The following PTPRG variants were observed in gnomAD, a reference collection of about 807,000 sequenced individuals.
PTPRG encodes the protein protein tyrosine phosphatase receptor type G, also known as receptor-type tyrosine-protein phosphatase gamma.
PTPRG carries 102 observed loss-of-function variants against 165.3 expected under a neutral mutation model. The observed-to-expected ratio is 0.62, with a 90% confidence interval of 0.53 to 0.73. PTPRG has a LOEUF of 0.73. Ranked by LOEUF, PTPRG falls within the 30% of genes least tolerant of loss-of-function variation. The pLI is 0.00. For synonymous variants in PTPRG, 675 were observed against 669.5 expected (o/e 1.01, Z -0.13); for missense variants, 1,866 against 1,861.4 (o/e 1.00, Z -0.05).
chr3:62,282,966 TCAA>T (rs1243932074), intron 28 of PTPRG, 97 bp downstream of exon 28: 1 of 1,104,624 alleles, frequency 9.1e-7, no homozygotes, highest in African/African-American at 1.6e-5. Context: ...TTAAAACCTA[TCAA>T]CAACCTCAGC....
chr3:61,586,171 C>T (rs1355510990), intron 1 of PTPRG, among the ~76,000 whole-genome samples: 2 of 151,770 alleles, frequency 1.3e-5, no homozygotes, highest in African/African-American at 4.8e-5. Flanking sequence ...TGATAGATTC[C>T]TCTGATTGAG....
chr3:61,763,437 G>T (rs545178332), intron 2 of PTPRG, among the ~76,000 whole-genome samples: 1 of 151,554 alleles, frequency 6.6e-6, no homozygotes, highest in East Asian at 2.0e-4. Context: ...GGGTTTCACT[G>T]TCTGCCACTA....
At chr3:61,590,350 C>T (rs192398447) in intron 1 of PTPRG, among the ~76,000 whole-genome samples, 14 of 152,114 alleles carry the variant, frequency 9.2e-5, no homozygotes, top group African/African-American at 2.9e-4. Context: ...GGCCAAACCC[C>T]GTCTCTATTA....
At chr3:61,722,198 A>T (rs1351583491) in intron 1 of PTPRG, among the ~76,000 whole-genome samples, 1 of 150,204 alleles carries the variant, frequency 6.7e-6, no homozygotes, top group Non-Finnish European at 1.5e-5. Context: ...AAGGTGGAAG[A>T]GCAAAGAGAG....
chr3:62,156,998 G>A, intron 6 of PTPRG, 69 bp from the exon 7 acceptor site: 1 of 1,404,266 alleles, frequency 7.1e-7, no homozygotes, highest in Non-Finnish European at 1.0e-6. Flanking sequence ...CGAGGGTGTT[G>A]ACTGTGTCTG....
chr3:61,654,787 T>TC lies in PTPRG; in HGVS notation c.85+92415_85+92416insC, dbSNP rs1304468016. 5.1e-3 allele frequency among the ~76,000 whole-genome samples: 762 copies of TC among 148,024 alleles called. 9 individuals are homozygous for TC. Among genetic ancestry groups the TC allele is most frequent in the African/African-American group, 0.018 (743 of 40,178 alleles). On this transcript the variant is annotated intron_variant, in intron 1 of 29. Transcript: ENST00000474889. ...GAAGGCTACCTGTGCTTTTTCTTTT[T>TC]TTTTTTTTTTTTGAGACAAAGTCTC...
chr3:61,674,839 G>A (rs146803478), intron 1 of PTPRG, among the ~76,000 whole-genome samples: 10 of 152,300 alleles, frequency 6.6e-5, no homozygotes, highest in Admixed American at 5.9e-4. Flanking sequence ...CATGGTTACA[G>A]TATGCTTTTT....
At chr3:62,225,633 T>G (rs1485798981) in intron 13 of PTPRG, among the ~76,000 whole-genome samples, 1 of 151,932 alleles carries the variant, frequency 6.6e-6, no homozygotes, top group Non-Finnish European at 1.5e-5. Flanking sequence ...GCTTTGTATA[T>G]CTAAAGGTTC....
chr3:61,742,730 C>G (rs999657735), intron 1 of PTPRG: 1 of 1,610,028 alleles, frequency 6.2e-7, no homozygotes, highest in Non-Finnish European at 8.5e-7. Flanking sequence ...TTATTTAGAC[C>G]TGGGCCGAGG....
chr3:61,920,381 A>AT lies in PTPRG; in HGVS notation c.191-69236dup, dbSNP rs566979079. Among the ~76,000 whole-genome samples, 168 of 152,066 alleles carry AT rather than the reference A, an allele frequency of 1.1e-3. 5 individuals carry two copies. In the South Asian group the frequency reaches 0.033, roughly 30 times the overall value. On this transcript the variant is annotated intron_variant, in intron 2 of 29. Coordinates refer to ENST00000474889, the MANE Select transcript of PTPRG (RefSeq NM_002841.4). Reference sequence around the variant, plus strand: ...GTTGTAGTTCTCCATTTTGAAGTAGATTTTTTTTAAGACTTTTTTTATTTT... The same window carrying AT: ...GTTGTAGTTCTCCATTTTGAAGTAGATTTTTTTTTAAGACTTTTTTTATTTT...
chr3:61,667,785 T>A (rs1250386353), intron 1 of PTPRG, among the ~76,000 whole-genome samples: 1 of 146,314 alleles, frequency 6.8e-6, no homozygotes, highest in Admixed American at 6.8e-5. Context: ...TAAACAAAAT[T>A]TTTTTAATTA....
At chr3:62,067,038 CAAAAAAA>C (rs58056271) in intron 4 of PTPRG, among the ~76,000 whole-genome samples, 2 of 111,998 alleles carry the variant, frequency 1.8e-5, no homozygotes, top group Admixed American at 9.5e-5. Context: ...GATTCTGACT[CAAAAAAA>C]AAAAAAAAAA....
chr3:61,840,870 A>G (rs1330605798), intron 2 of PTPRG, among the ~76,000 whole-genome samples: 4 of 139,142 alleles, frequency 2.9e-5, no homozygotes, highest in Non-Finnish European at 6.0e-5. Context: ...TGCAACCTCC[A>G]CCACCTGGGC....
intron 2 of PTPRG, among the ~76,000 whole-genome samples, chr3:61,759,163 T>C (rs558017120): frequency 2.0e-4 from 31 of 152,322 alleles, no homozygotes; most frequent in Non-Finnish European, 3.8e-4. Flanking sequence ...ATCTTCTTGG[T>C]TGTCTTTCTT....
At chr3:61,937,880 C>CTT (rs1343793875) in intron 2 of PTPRG, among the ~76,000 whole-genome samples, 1 of 151,682 alleles carries the variant, frequency 6.6e-6, no homozygotes, top group Non-Finnish European at 1.5e-5. Flanking sequence ...ACTGGTGCTG[C>CTT]CAAGAAGCTT....
intron 2 of PTPRG, among the ~76,000 whole-genome samples, chr3:61,899,273 T>G (rs2038438899): frequency 6.6e-6 from 1 of 152,176 alleles, no homozygotes. Flanking sequence ...GTGTGTTAGT[T>G]ACACATGGAA....
At chr3:62,069,684 T>TCTCTCA (rs542306888) in intron 4 of PTPRG, among the ~76,000 whole-genome samples, 103 of 145,016 alleles carry the variant, frequency 7.1e-4, no homozygotes, top group African/African-American at 2.4e-3. Context: ...TCTCTCTCTC[T>TCTCTCA]CACACACAGA....
chr3:62,294,743 C>T lies in PTPRG; in HGVS notation c.*1436C>T, dbSNP rs1703007733. On this transcript the variant is annotated 3_prime_UTR_variant, in exon 30 of 30. Coordinates refer to ENST00000474889, the MANE Select transcript of PTPRG (RefSeq NM_002841.4). The stretch of plus-strand genomic sequence containing the variant: ...TTGCATGTTTGCTTTTGAGGGACAG[C>T]TTCTGTCAAAAGTGAAATCATCACC... The T allele has an allele frequency of 6.6e-6, 1 of 152,138 alleles. No homozygotes were observed. The highest frequency in any genetic ancestry group is 2.4e-5 in the African/African-American group (1 of 41,436). The allele number at this position is 152,138 out of a possible 1,614,324, so 9.4% of individuals were successfully genotyped here.
In PTPRG at chr3:62,124,617, CGAGGGAAGGTGAGACCG is replaced by C; in HGVS notation, c.616-7983_616-7967del. 4.6e-5 allele frequency: 7 copies of C among 152,178 alleles called. No individual in the cohort carries two copies. The South Asian group carries it at 4.8e-4, about 10-fold the overall frequency. The allele number at this position is 152,178 out of a possible 1,614,324, so 9.4% of individuals were successfully genotyped here. A position where few individuals can be genotyped will look rare whatever the true frequency, so the allele number is the denominator to read the frequency against. ...GGACTGAAGGCTTTCATGCTGACCG[CGAGGGAAGGTGAGACCG>C]GGAGGGAGCTGGCTGTCCTGAAGCT... On this transcript the variant is annotated intron_variant, in intron 5 of 29. Transcript: ENST00000474889.
Sources: allele counts gnomAD v4.1 joint callset (sites outside exome capture counted in the v4.1 genomes callset), GRCh38; gene constraint gnomAD v4.1.1; transcripts MANE v1.5; gene names NCBI Gene and HGNC (gene_info 2026-07-23, HGNC 2026-07-21).